The following COL10A1 variants were observed in gnomAD, a reference collection of about 807,000 sequenced individuals.
COL10A1 encodes collagen type X alpha 1 chain.
COL10A1 carries 10 observed loss-of-function variants against 18.2 expected under a neutral mutation model. That is an observed-to-expected ratio of 0.55 (90% CI 0.34 to 0.93). COL10A1 has a LOEUF of 0.93. COL10A1 is among the 40% of genes least tolerant of loss of function. COL10A1 has a pLI of 0.02. For synonymous variants in COL10A1, 330 were observed against 316.6 expected, an observed-to-expected ratio of 1.04 and a Z score of -0.45; for missense variants, 897 against 853.5, an observed-to-expected ratio of 1.05 and a Z score of -0.64.
the COL10A1 span, among the ~76,000 whole-genome samples, chr6:116,191,014 G>A: frequency 1.3e-5 from 2 of 151,968 alleles, no homozygotes; most frequent in African/African-American, 4.8e-5. Flanking sequence ...GAGGCTCAGA[G>A]GCCTCAAGTG....
chr6:116,151,542 C>T (rs34362666), intron 1 of COL10A1, among the ~76,000 whole-genome samples: 29,008 of 152,038 alleles, frequency 0.19, 3,394 homozygotes, highest in Middle Eastern at 0.34. Flanking sequence ...TAATATAAGA[C>T]TATTAAGTAA....
chr6:116,195,330 A>C, the COL10A1 span, among the ~76,000 whole-genome samples: 4 of 152,204 alleles, frequency 2.6e-5, no homozygotes, highest in African/African-American at 9.6e-5. Context: ...AATTGACTCA[A>C]ACATTGGAAA....
the COL10A1 span, among the ~76,000 whole-genome samples, chr6:116,209,543 CATTG>C: frequency 1.3e-5 from 2 of 151,986 alleles, no homozygotes; most frequent in African/African-American, 4.8e-5. Flanking sequence ...TGAATGCCAT[CATTG>C]ATGTGCAGAG....
chr6:116,129,636 T>C (rs1779415077), upstream of COL10A1, among the ~76,000 whole-genome samples: 1 of 152,192 alleles, frequency 6.6e-6, no homozygotes, highest in South Asian at 2.1e-4. Flanking sequence ...GCCATCCTCT[T>C]GGACTTCCTA....
the COL10A1 span, among the ~76,000 whole-genome samples, chr6:116,197,949 GCT>G: frequency 6.6e-6 from 1 of 152,052 alleles, no homozygotes; most frequent in Non-Finnish European, 1.5e-5. Context: ...TGCCACCAAA[GCT>G]CTCTGAATTT....
the COL10A1 span, among the ~76,000 whole-genome samples, chr6:116,215,751 T>G: frequency 6.6e-6 from 1 of 151,854 alleles, no homozygotes; most frequent in Non-Finnish European, 1.5e-5. Flanking sequence ...AACAGGGGAG[T>G]TGACTAGGCC....
chr6:116,201,827 T>A, the COL10A1 span, among the ~76,000 whole-genome samples: 4 of 152,156 alleles, frequency 2.6e-5, no homozygotes, highest in South Asian at 8.3e-4. Flanking sequence ...TTCATGATTA[T>A]AATTATTGCC....
chr6:116,141,013 C>T (rs1779752181), intron 1 of COL10A1, among the ~76,000 whole-genome samples: 1 of 152,142 alleles, frequency 6.6e-6, no homozygotes, highest in Non-Finnish European at 1.5e-5. Flanking sequence ...TTTTCTGCTT[C>T]ACTGGCTAAT....
the COL10A1 span, among the ~76,000 whole-genome samples, chr6:116,207,710 T>C: frequency 6.6e-6 from 1 of 151,908 alleles, no homozygotes; most frequent in African/African-American, 2.4e-5. Flanking sequence ...TAGAGTAGAA[T>C]ATTCTGGGAA....
At chr6:116,169,113 G>A in the COL10A1 span, among the ~76,000 whole-genome samples, 1 of 152,232 alleles carries the variant, frequency 6.6e-6, no homozygotes, top group East Asian at 1.9e-4. Context: ...TCTTGAAGTT[G>A]GTGTTACTGC....
chr6:116,163,826 A>G, the COL10A1 span, among the ~76,000 whole-genome samples: 4 of 152,078 alleles, frequency 2.6e-5, no homozygotes, highest in African/African-American at 4.8e-5. Context: ...TTCATTTCCA[A>G]TTCTTTTTTA....
At chr6:116,159,415 A>G (rs148768378), upstream of COL10A1, among the ~76,000 whole-genome samples, 3 of 152,144 alleles carry the variant, frequency 2.0e-5, no homozygotes, top group East Asian at 5.8e-4. Context: ...TTCATTTTCT[A>G]CCCATTCCTT....
chr6:116,209,747 A>G, the COL10A1 span, among the ~76,000 whole-genome samples: 1 of 151,928 alleles, frequency 6.6e-6, no homozygotes, highest in Admixed American at 6.6e-5. Flanking sequence ...AGCAGAGACA[A>G]TATCAGTTCA....
At chr6:116,143,948 G>T (rs947714571) in intron 1 of COL10A1, among the ~76,000 whole-genome samples, 6 of 152,182 alleles carry the variant, frequency 3.9e-5, no homozygotes, top group African/African-American at 1.4e-4. Flanking sequence ...AAGAACTGAT[G>T]TGAGTAGAAT....
At chr6:116,170,023 T>C in the COL10A1 span, among the ~76,000 whole-genome samples, 5 of 152,208 alleles carry the variant, frequency 3.3e-5, no homozygotes, top group South Asian at 2.1e-4. Context: ...AGACAGTTAA[T>C]TGGCCATGGG....
At chr6:116,160,121 G>C (rs1780294458), upstream of COL10A1, among the ~76,000 whole-genome samples, 2 of 152,074 alleles carry the variant, frequency 1.3e-5, no homozygotes, top group Admixed American at 6.6e-5. Flanking sequence ...TTTCCTTTAT[G>C]TATATACATA....
chr6:116,176,461 G>C, the COL10A1 span, among the ~76,000 whole-genome samples: 1 of 152,068 alleles, frequency 6.6e-6, no homozygotes, highest in Non-Finnish European at 1.5e-5. Context: ...TGCTTTACTG[G>C]TTCTCCTCCC....
At chr6:116,176,891 T>G in the COL10A1 span, among the ~76,000 whole-genome samples, 3 of 152,200 alleles carry the variant, frequency 2.0e-5, no homozygotes, top group Non-Finnish European at 4.4e-5. Context: ...AAGTGCAGCA[T>G]CTGGACCAAG....
rs766024819 is a variant in COL10A1, at chr6:116,121,075, T to C, written c.1041A>G (p.Gly347=). ...CATGGCTACCCGGGATGCCTTTTGG[T>C]CCTTGGGGTCCCATATTCCCAGGGG... ...TGPPGNMGPQ[G]PKGIPGSHGL... The change falls in exon 3 of 3, where the codon GGA becomes GGG. Residue 347 remains glycine (G), a synonymous_variant. Coordinates refer to ENST00000651968, the MANE Select transcript of COL10A1 (RefSeq NM_000493.4). The C allele has an allele frequency of 3.1e-6, 5 of 1,613,892 alleles. No homozygotes were observed. In the East Asian group the frequency reaches 1.1e-4, roughly 36 times the overall value.
Sources: allele counts gnomAD v4.1 joint callset (sites outside exome capture counted in the v4.1 genomes callset), GRCh38; gene constraint gnomAD v4.1.1; transcripts MANE v1.5; gene names NCBI Gene and HGNC (gene_info 2026-07-23, HGNC 2026-07-21).